Variants in NRXN1 observed in about 807,000 individuals in gnomAD.
NRXN1 encodes the protein neurexin 1.
A neutral mutation model predicts 150.9 loss-of-function variants in NRXN1; 39 were observed. That is an observed-to-expected ratio of 0.26 (90% CI 0.20 to 0.34). NRXN1 has a LOEUF of 0.34. Ranked by LOEUF, NRXN1 falls within the 10% of genes least tolerant of loss-of-function variation. NRXN1 has a pLI of 1.00. For synonymous variants in NRXN1, 924 were observed against 757.0 expected (o/e 1.22, Z -3.62); for missense variants, 1,815 against 1,949.9 (o/e 0.93, Z 1.30).
rs1270560519 is a variant in NRXN1, at chr2:50,623,383, C to G, written c.1065G>C (p.Val355=). The change falls in exon 6 of 23, where the codon GTG becomes GTC. Residue 355 remains valine (V), a synonymous_variant. Coordinates refer to ENST00000401669, the MANE Select transcript of NRXN1 (RefSeq NM_001330078.2). ...CATTAAACTTTCCATTCACAGGCTC[C>G]ACTAGTGCTTCAAAGGCCCCTGATC... ...NLGSGAFEAL[V]EPVNGKFNDN... is the part of the protein sequence containing the mutation. The G allele has an allele frequency of 1.9e-6, 3 of 1,613,390 alleles. No homozygotes were observed. In the East Asian group the frequency reaches 6.7e-5, roughly 36 times the overall value.
At chr2:50,488,814 C>T (rs1199431550) in intron 15 of NRXN1, among the ~76,000 whole-genome samples, 1 of 152,180 alleles carries the variant, frequency 6.6e-6, no homozygotes, top group Admixed American at 6.5e-5. Context: ...TATCTGCCTT[C>T]TCAGATGGCT....
At chr2:50,461,760 G>C (rs1210957336) in intron 17 of NRXN1, among the ~76,000 whole-genome samples, 1 of 151,956 alleles carries the variant, frequency 6.6e-6, no homozygotes, top group Non-Finnish European at 1.5e-5. Context: ...GAAAAATAAT[G>C]TCAAGCTCAG....
intron 9 of NRXN1, among the ~76,000 whole-genome samples, chr2:50,547,141 C>T (rs74995522): frequency 0.063 from 9,603 of 152,158 alleles, 291 homozygotes; most frequent in Middle Eastern, 0.16. Flanking sequence ...TGGAACTCTA[C>T]GACTTCAATT....
chr2:50,911,794 T>G (rs1684560909), intron 5 of NRXN1, among the ~76,000 whole-genome samples: 1 of 151,890 alleles, frequency 6.6e-6, no homozygotes, highest in Non-Finnish European at 1.5e-5. Flanking sequence ...TCAATTTGAT[T>G]TTTGTTTTGT....
chr2:49,983,844 T>C (rs541410730), intron 21 of NRXN1, among the ~76,000 whole-genome samples: 1 of 152,286 alleles, frequency 6.6e-6, no homozygotes, highest in East Asian at 1.9e-4. Flanking sequence ...TTGCATTACA[T>C]ATATTCTCTC....
rs1264497024 is a variant in NRXN1 at position 50,091,253 on chromosome 2, GC to G, written c.3718+69del. On this transcript the variant is annotated intron_variant, in intron 19 of 22. Transcript: ENST00000401669. ...AAAACCACAATTTGGTGAAACGGAT[GC>G]AAAACAGTGCTTTTTCTTCCAGTTT... is the stretch of plus-strand genomic sequence containing the variant. The G allele has an allele frequency of 1.9e-5, 29 of 1,554,194 alleles. No individual in the cohort carries two copies. In the African/African-American group the frequency reaches 3.4e-4, roughly 18 times the overall value.
At position 50,047,247 on chromosome 2, in the gene NRXN1, G is replaced by A. The variant is rs577797828; in HGVS notation, c.4128+6024C>T. On this transcript the variant is annotated intron_variant, in intron 21 of 22. Coordinates refer to ENST00000401669, the MANE Select transcript of NRXN1 (RefSeq NM_001330078.2). Reference sequence around the variant, plus strand: ...GCCTTGGGTAAGTTAGCTTTTCTATGCCTCAATTTCCTCCTTTTTGAGGAG... The same window carrying A: ...GCCTTGGGTAAGTTAGCTTTTCTATACCTCAATTTCCTCCTTTTTGAGGAG... 4.6e-5 allele frequency among the ~76,000 whole-genome samples: 7 copies of A among 152,090 alleles called. 1 individual carries two copies. The East Asian group carries it at 1.4e-3, about 30-fold the overall frequency.
chr2:50,285,429 C>T (rs934079082), intron 17 of NRXN1, among the ~76,000 whole-genome samples: 1 of 152,148 alleles, frequency 6.6e-6, no homozygotes, highest in Admixed American at 6.5e-5. Flanking sequence ...ACCCCCCACA[C>T]ACACTCACTC....
At chr2:50,553,122 G>A (rs1667767210) in intron 8 of NRXN1, 97 bp from the exon 9 acceptor site, 7 of 851,694 alleles carry the variant, frequency 8.2e-6, no homozygotes, top group Non-Finnish European at 1.3e-5. Flanking sequence ...TCATAAAAAG[G>A]CACACGATAT....
chr2:50,236,656 A>G, intron 18 of NRXN1, 133 bp downstream of exon 18: 2 of 785,010 alleles, frequency 2.5e-6, no homozygotes, highest in Non-Finnish European at 4.3e-6. Context: ...TTTCCTCTAG[A>G]TTGTATTCAT....
At chr2:50,587,901 G>C (rs919132831) in intron 8 of NRXN1, among the ~76,000 whole-genome samples, 2 of 152,038 alleles carry the variant, frequency 1.3e-5, no homozygotes, top group African/African-American at 4.8e-5. Context: ...TATATATTAA[G>C]ACAAATGCAA....
intron 5 of NRXN1, among the ~76,000 whole-genome samples, chr2:50,669,428 C>A (rs1030495858): frequency 1.1e-4 from 16 of 151,968 alleles, no homozygotes; most frequent in African/African-American, 3.9e-4. Flanking sequence ...CAGAAACTAT[C>A]TTTTTGTATA....
chr2:50,768,513 C>G (rs1344732499), intron 5 of NRXN1, among the ~76,000 whole-genome samples: 1 of 151,422 alleles, frequency 6.6e-6, no homozygotes, highest in Non-Finnish European at 1.5e-5. Context: ...CACTATGTTG[C>G]AGAGGCTGGT....
intron 5 of NRXN1, among the ~76,000 whole-genome samples, chr2:50,838,856 C>A (rs1197112316): frequency 3.9e-5 from 6 of 152,056 alleles, no homozygotes; most frequent in Admixed American, 2.6e-4. Flanking sequence ...TGTCAATAAA[C>A]CACCAATGTC....
chr2:50,596,075 T>G (rs1675153238), intron 8 of NRXN1, among the ~76,000 whole-genome samples: 1 of 152,200 alleles, frequency 6.6e-6, no homozygotes, highest in Non-Finnish European at 1.5e-5. Context: ...ACTGTTATGA[T>G]CAGGCATCAG....
intron 17 of NRXN1, among the ~76,000 whole-genome samples, chr2:50,374,861 G>A (rs2080368357): frequency 6.6e-6 from 1 of 152,106 alleles, no homozygotes; most frequent in African/African-American, 2.4e-5. Context: ...AAGCTTTTGA[G>A]TTTCACAGCC....
chr2:49,990,280 A>G (rs952441710), intron 21 of NRXN1, among the ~76,000 whole-genome samples: 3 of 152,132 alleles, frequency 2.0e-5, no homozygotes, highest in Admixed American at 6.6e-5. Context: ...AAGATAAGAA[A>G]GAGTCTGAGC....
chr2:50,251,608 C>T (rs983633094), intron 17 of NRXN1, among the ~76,000 whole-genome samples: 3 of 152,200 alleles, frequency 2.0e-5, no homozygotes, highest in African/African-American at 7.2e-5. Flanking sequence ...AATTGGCACA[C>T]TGTCTTCCAC....
chr2:50,935,166 T>G lies in NRXN1; in HGVS notation c.773-9211A>C, dbSNP rs546521609. 2.0e-5 allele frequency among the ~76,000 whole-genome samples: 3 copies of G among 152,316 alleles called. No individual in the cohort carries two copies. The South Asian group carries it at 6.2e-4, about 32-fold the overall frequency. On this transcript the variant is annotated intron_variant, in intron 2 of 22. Coordinates refer to ENST00000401669, the MANE Select transcript of NRXN1 (RefSeq NM_001330078.2). ...GCGCCTTTCATCCTACTATCTTATA[T>G]AATGTATTCTCTTATAGGTCAAAGA...
Sources: gnomAD v4.1 joint callset for allele counts (sites outside exome capture counted in the v4.1 genomes callset) on GRCh38, gnomAD v4.1.1 for gene constraint, MANE v1.5 for transcripts, NCBI Gene and HGNC (gene_info 2026-07-23, HGNC 2026-07-21) for gene names.